Variants in GRID2 observed in about 807,000 individuals in gnomAD.
GRID2 encodes glutamate ionotropic receptor delta type subunit 2.
GRID2 carries 33 observed loss-of-function variants against 114.8 expected under a neutral mutation model. The observed-to-expected ratio is 0.29, with a 90% CI of 0.22 to 0.38. The LOEUF (loss-of-function observed/expected upper bound fraction) is 0.38, where lower values mean the gene tolerates loss of function less well. Among genes scored for constraint, GRID2 ranks in the 10% least tolerant of loss-of-function variants. GRID2 has a pLI of 1.00. For missense variants in GRID2, 1,184 were observed against 1,257.7 expected (o/e 0.94, Z 0.89); for synonymous variants, 505 against 449.9 (o/e 1.12, Z -1.55).
chr4:92,557,559 A>T (rs1726909494), intron 1 of GRID2, among the ~76,000 whole-genome samples: 1 of 150,510 alleles, frequency 6.6e-6, no homozygotes, highest in African/African-American at 2.4e-5. Flanking sequence ...TAGATATTTT[A>T]ATACTTTACT....
At chr4:93,371,005 G>A (rs944921183) in intron 8 of GRID2, among the ~76,000 whole-genome samples, 1 of 152,064 alleles carries the variant, frequency 6.6e-6, no homozygotes, top group Non-Finnish European at 1.5e-5. Flanking sequence ...AATACTTCTA[G>A]GACCAGGAAC....
intron 8 of GRID2, among the ~76,000 whole-genome samples, chr4:93,340,983 GTCTA>G (rs1020737480): frequency 2.6e-5 from 4 of 152,158 alleles, no homozygotes; most frequent in Middle Eastern, 3.4e-3. Flanking sequence ...TATATTGTGG[GTCTA>G]TCTAATTTAT....
chr4:93,803,670 C>T (rs1383006488), intron 1 of GRID2, among the ~76,000 whole-genome samples: 4 of 151,922 alleles, frequency 2.6e-5, no homozygotes, highest in South Asian at 2.1e-4. Context: ...TGCAGCAAGC[C>T]GAGATTGCCC....
At chr4:93,571,031 C>A (rs1735885179) in intron 13 of GRID2, among the ~76,000 whole-genome samples, 1 of 152,048 alleles carries the variant, frequency 6.6e-6, no homozygotes, top group Admixed American at 6.6e-5. Flanking sequence ...AGAGAGCGAG[C>A]AAGAGGGTGA....
intron 14 of GRID2, among the ~76,000 whole-genome samples, chr4:93,656,722 C>T (rs13134581): frequency 8.1e-6 from 1 of 123,894 alleles, no homozygotes; most frequent in Admixed American, 8.7e-5. Flanking sequence ...CCCAGCTACT[C>T]GGGAGGCTGA....
At chr4:93,716,675 A>T (rs1328685492) in intron 14 of GRID2, among the ~76,000 whole-genome samples, 2 of 152,000 alleles carry the variant, frequency 1.3e-5, no homozygotes, top group Non-Finnish European at 2.9e-5. Flanking sequence ...ATGAAAGTAT[A>T]CATATGATAT....
At chr4:93,168,702 A>T (rs1437281960) in intron 4 of GRID2, among the ~76,000 whole-genome samples, 2 of 152,132 alleles carry the variant, frequency 1.3e-5, no homozygotes, top group African/African-American at 4.8e-5. Context: ...TTACAGAAAA[A>T]GAGAAACAGA....
chr4:93,428,025 T>A (rs1170665918), intron 10 of GRID2, among the ~76,000 whole-genome samples: 1 of 151,956 alleles, frequency 6.6e-6, no homozygotes, highest in African/African-American at 2.4e-5. Flanking sequence ...AAGTTTAGGA[T>A]AGAAGTACCA....
chr4:93,107,757 G>T (rs1215886622), intron 3 of GRID2, among the ~76,000 whole-genome samples: 2 of 151,974 alleles, frequency 1.3e-5, no homozygotes, highest in Non-Finnish European at 2.9e-5. Flanking sequence ...GCCTCCCAAA[G>T]TGCTGGGGTT....
At chr4:93,037,717 T>C (rs1157033841) in intron 2 of GRID2, among the ~76,000 whole-genome samples, 1 of 152,214 alleles carries the variant, frequency 6.6e-6, no homozygotes, top group East Asian at 1.9e-4. Context: ...CATTGCTTGT[T>C]TTTGTCAGGT....
chr4:93,453,309 G>T (rs1290195240), intron 10 of GRID2, among the ~76,000 whole-genome samples: 1 of 132,132 alleles, frequency 7.6e-6, no homozygotes, highest in Non-Finnish European at 1.6e-5. Context: ...AAAACTCAGA[G>T]ATGGGAAAGA....
intron 2 of GRID2, among the ~76,000 whole-genome samples, chr4:92,735,823 A>G (rs1736568224): frequency 6.6e-6 from 1 of 152,046 alleles, no homozygotes; most frequent in Non-Finnish European, 1.5e-5. Flanking sequence ...ACTTGTTCTC[A>G]ACTAATAATC....
intron 4 of GRID2, among the ~76,000 whole-genome samples, chr4:93,143,414 A>G (rs1347828735): frequency 6.6e-6 from 1 of 152,176 alleles, no homozygotes; most frequent in Admixed American, 6.6e-5. Context: ...TTATGTTATC[A>G]TCTTTATATA....
intron 1 of GRID2, among the ~76,000 whole-genome samples, chr4:92,350,154 T>C (rs1345699265): frequency 6.6e-6 from 1 of 151,912 alleles, no homozygotes; most frequent in Non-Finnish European, 1.5e-5. Flanking sequence ...GTTGTTGAAG[T>C]CATTTTTTTT....
rs1742190143 is a variant in GRID2 at position 93,621,209 on chromosome 4, GA to G, written c.2194-5057del. ...GCTCCTAGTGTTATCTGGGAAGTGA[GA>G]AATTTATCACGGGGAGTCTATTGAT... On this transcript the variant is annotated intron_variant, in intron 13 of 15. Transcript: ENST00000282020. Among the ~76,000 whole-genome samples the G allele has an allele frequency of 2.0e-5, 3 of 152,294 alleles. No homozygotes were observed. The South Asian group carries it at 6.2e-4, about 32-fold the overall frequency.
chr4:92,326,560 C>A (rs1332775493), intron 1 of GRID2, among the ~76,000 whole-genome samples: 1 of 151,782 alleles, frequency 6.6e-6, no homozygotes, highest in African/African-American at 2.4e-5. Flanking sequence ...ATGACTACAT[C>A]CATAATCTGT....
At chr4:92,658,972 C>T (rs1250114731) in intron 2 of GRID2, among the ~76,000 whole-genome samples, 1 of 148,104 alleles carries the variant, frequency 6.8e-6, no homozygotes, top group Non-Finnish European at 1.5e-5. Flanking sequence ...AGAAAGGACT[C>T]TTTGACCAAA....
chr4:93,566,640 C>T (rs918673791), intron 13 of GRID2, among the ~76,000 whole-genome samples: 3 of 151,896 alleles, frequency 2.0e-5, no homozygotes, highest in Non-Finnish European at 4.4e-5. Context: ...CATAGTGGTG[C>T]GCAGCTATAA....
At chr4:92,863,018 C>G (rs1340517630) in intron 2 of GRID2, among the ~76,000 whole-genome samples, 1 of 152,082 alleles carries the variant, frequency 6.6e-6, no homozygotes, top group Non-Finnish European at 1.5e-5. Context: ...CCCATTTAGT[C>G]TATCAACTGA....
Sources: allele counts gnomAD v4.1 joint callset (sites outside exome capture counted in the v4.1 genomes callset), GRCh38; gene constraint gnomAD v4.1.1; transcripts MANE v1.5; gene names NCBI Gene and HGNC (gene_info 2026-07-23, HGNC 2026-07-21).